The following GPC6 variants were observed in gnomAD, a reference collection of about 807,000 sequenced individuals.
The protein encoded by GPC6 is glypican-6.
In GPC6, 14 loss-of-function variants were observed where a neutral mutation model predicts 55.2. That is an observed-to-expected ratio of 0.25 (90% CI 0.17 to 0.40). The LOEUF is 0.40. Ranked by LOEUF, GPC6 falls within the 10% of genes least tolerant of loss-of-function variation. The pLI, the probability that GPC6 is intolerant of heterozygous loss-of-function variation, is 1.00. For missense variants in GPC6, 641 were observed against 708.5 expected (o/e 0.90, Z 1.08); for synonymous variants, 278 against 259.6 (o/e 1.07, Z -0.68).
rs188671499 is a variant in GPC6, at chr13:94,195,268, A to C, written c.878-91081A>C. On this transcript the variant is annotated intron_variant, in intron 4 of 8. Transcript: ENST00000377047. The stretch of plus-strand genomic sequence containing the variant: ...TCTTCCTAGTTAGGGCTTGTATAAG[A>C]CCTTTCCCCTTAACCAACCCCAGTA... Among the ~76,000 whole-genome samples the C allele has an allele frequency of 2.7e-3, 404 of 152,172 alleles. 1 individual carries two copies. Among genetic ancestry groups the C allele is most frequent in the African/African-American group, 9.1e-3 (379 of 41,514 alleles).
rs907929630 is a variant in GPC6 at position 94,406,927 on chromosome 13, T to G, written c.*3710T>G. On this transcript the variant is annotated 3_prime_UTR_variant, in exon 9 of 9. Coordinates refer to ENST00000377047, the MANE Select transcript of GPC6 (RefSeq NM_005708.5). ...ACTAACGAACAGACCTGATTTTTAT[T>G]TAAAAACACAATTTAGCTTTGCCAA... The G allele has an allele frequency of 3.3e-5, 5 of 152,158 alleles. No homozygotes were observed. The highest frequency in any genetic ancestry group is 1.2e-4 in the African/African-American group (5 of 41,460). 9.4% of individuals were successfully genotyped at this position (152,158 alleles called of 1,614,324 possible).
At chr13:93,733,146 T>C (rs867895977) in intron 2 of GPC6, among the ~76,000 whole-genome samples, 1 of 152,222 alleles carries the variant, frequency 6.6e-6, no homozygotes, top group South Asian at 2.1e-4. Flanking sequence ...TGATATTATA[T>C]TTGCTAATGG....
At chr13:93,750,797 G>A (rs918338553) in intron 2 of GPC6, among the ~76,000 whole-genome samples, 5 of 152,186 alleles carry the variant, frequency 3.3e-5, no homozygotes, top group Admixed American at 2.6e-4. Context: ...CAGGCATTTG[G>A]TAGCTGCTTA....
At chr13:93,618,638 G>T (rs1356192873) in intron 2 of GPC6, among the ~76,000 whole-genome samples, 1 of 152,070 alleles carries the variant, frequency 6.6e-6, no homozygotes, top group African/African-American at 2.4e-5. Context: ...AACTCTCGAA[G>T]TCTGTATTAA....
At chr13:94,297,735 G>A (rs995184756) in intron 5 of GPC6, among the ~76,000 whole-genome samples, 1 of 152,064 alleles carries the variant, frequency 6.6e-6, no homozygotes, top group East Asian at 1.9e-4. Flanking sequence ...TTAAAATTGA[G>A]GCCAATGAAA....
At chr13:94,168,393 G>A (rs1478108011) in intron 4 of GPC6, among the ~76,000 whole-genome samples, 1 of 152,208 alleles carries the variant, frequency 6.6e-6, no homozygotes, top group Non-Finnish European at 1.5e-5. Context: ...CAGTCCAGGT[G>A]GGGGTGGAGC....
intron 4 of GPC6, among the ~76,000 whole-genome samples, chr13:94,032,793 T>G (rs2138727763): frequency 6.6e-6 from 1 of 152,310 alleles, no homozygotes; most frequent in Non-Finnish European, 1.5e-5. Flanking sequence ...CTTCTTCTTT[T>G]CAAACTTGCC....
At chr13:94,114,087 T>C (rs1593945680) in intron 4 of GPC6, among the ~76,000 whole-genome samples, 1 of 104,268 alleles carries the variant, frequency 9.6e-6, no homozygotes, top group Non-Finnish European at 1.9e-5. Context: ...GTTTTTACCT[T>C]AGCTTTATCA....
At chr13:93,389,694 G>A (rs906994423) in intron 1 of GPC6, among the ~76,000 whole-genome samples, 11 of 151,548 alleles carry the variant, frequency 7.3e-5, no homozygotes, top group African/African-American at 2.7e-4. Context: ...CAAACACACA[G>A]GTAGTTTACT....
At chr13:93,919,635 G>A (rs1160675789) in intron 3 of GPC6, among the ~76,000 whole-genome samples, 3 of 152,158 alleles carry the variant, frequency 2.0e-5, no homozygotes, top group African/African-American at 7.2e-5. Context: ...AATGAACCTG[G>A]GAGTTTAGAA....
chr13:93,546,329 G>A (rs1007511157), intron 2 of GPC6, among the ~76,000 whole-genome samples: 8 of 152,142 alleles, frequency 5.3e-5, no homozygotes, highest in Admixed American at 2.6e-4. Flanking sequence ...GGAAAGGTTG[G>A]CCAAAGTTTT....
chr13:94,312,465 T>C (rs1021699307), intron 6 of GPC6, among the ~76,000 whole-genome samples: 10 of 152,216 alleles, frequency 6.6e-5, no homozygotes, highest in African/African-American at 2.4e-4. Flanking sequence ...TTTGGTGCGA[T>C]TTAGAAACTG....
chr13:93,657,775 T>C (rs896661242), intron 2 of GPC6, among the ~76,000 whole-genome samples: 1 of 151,454 alleles, frequency 6.6e-6, no homozygotes, highest in Non-Finnish European at 1.5e-5. Flanking sequence ...AACAACCCCA[T>C]TAAAAAAATG....
chr13:94,384,581 G>T (rs149261955), intron 7 of GPC6, among the ~76,000 whole-genome samples: 251 of 152,280 alleles, frequency 1.6e-3, no homozygotes, highest in African/African-American at 5.8e-3. Flanking sequence ...CGAAGTTAGG[G>T]GAAGAGACTA....
rs189356463 is a variant in GPC6, at chr13:93,918,334, A to G, written c.711+87789A>G. Among the ~76,000 whole-genome samples, 125 of 152,236 alleles carry G rather than the reference A, an allele frequency of 8.2e-4. 1 individual carries two copies. Among genetic ancestry groups the G allele is most frequent in the African/African-American group, 2.8e-3 (117 of 41,546 alleles). On this transcript the variant is annotated intron_variant, in intron 3 of 8. Coordinates refer to ENST00000377047, the MANE Select transcript of GPC6 (RefSeq NM_005708.5). ...ATGTGCCAGGCAATCTTCTATTATT[A>G]TTGGGAATATTCAAGCACTATTTTG...
chr13:94,340,048 C>T (rs1877952457), intron 6 of GPC6, among the ~76,000 whole-genome samples: 1 of 152,034 alleles, frequency 6.6e-6, no homozygotes, highest in Admixed American at 6.6e-5. Context: ...CAGGCTTGAG[C>T]CAGCGCACCA....
At chr13:94,131,044 A>G (rs754451813) in intron 4 of GPC6, among the ~76,000 whole-genome samples, 7 of 152,110 alleles carry the variant, frequency 4.6e-5, no homozygotes, top group Non-Finnish European at 1.0e-4. Flanking sequence ...ACTCCTATAA[A>G]TATTATGAGG....
intron 4 of GPC6, among the ~76,000 whole-genome samples, chr13:94,043,741 A>G (rs1038219064): frequency 9.2e-5 from 14 of 151,866 alleles, no homozygotes; most frequent in Non-Finnish European, 1.5e-4. Context: ...CAGAATGTAT[A>G]TAAGTTGGAG....
At chr13:93,984,789 C>CA (rs1157490542) in intron 3 of GPC6, among the ~76,000 whole-genome samples, 1 of 151,904 alleles carries the variant, frequency 6.6e-6, no homozygotes, top group Admixed American at 6.6e-5. Context: ...CAAACTAAAG[C>CA]AAAAAATATA....
Sources: allele counts gnomAD v4.1 joint callset (sites outside exome capture counted in the v4.1 genomes callset), GRCh38; gene constraint gnomAD v4.1.1; transcripts MANE v1.5; gene names NCBI Gene and HGNC (gene_info 2026-07-23, HGNC 2026-07-21).